The following DPP6 variants were observed in gnomAD, a reference collection of about 807,000 sequenced individuals.
DPP6 encodes the protein A-type potassium channel modulatory protein DPP6.
DPP6 carries 69 observed loss-of-function variants against 122.6 expected under a neutral mutation model. That is an observed-to-expected ratio of 0.56 (90% CI 0.46 to 0.69). The LOEUF (loss-of-function observed/expected upper bound fraction) is 0.69. Ranked by LOEUF, DPP6 falls within the 30% of genes least tolerant of loss-of-function variation. DPP6 has a pLI of 0.00. For missense variants in DPP6, 928 were observed against 1,116.9 expected, an observed-to-expected ratio of 0.83 and a Z score of 2.41; for synonymous variants, 418 against 433.1, an observed-to-expected ratio of 0.97 and a Z score of 0.43.
intron 5 of DPP6, chr7:154,588,055 C>T: frequency 6.2e-7 from 1 of 1,608,386 alleles, no homozygotes; most frequent in South Asian, 1.1e-5. Flanking sequence ...CAGCTACAGG[C>T]AGATTTCGGG....
At chr7:154,217,470 A>G (rs894029777) in intron 1 of DPP6, among the ~76,000 whole-genome samples, 5 of 152,196 alleles carry the variant, frequency 3.3e-5, no homozygotes, top group African/African-American at 1.2e-4. Flanking sequence ...TAGTGTGTAA[A>G]TTGGGCAGTA....
intron 6 of DPP6, among the ~76,000 whole-genome samples, chr7:154,659,204 AC>A (rs1837460587): frequency 6.6e-6 from 1 of 152,282 alleles, no homozygotes; most frequent in Admixed American, 6.5e-5. Context: ...GAGACCCTAA[AC>A]CCAGTTTCCC....
At chr7:154,298,026 C>T (rs1289186884) in intron 1 of DPP6, among the ~76,000 whole-genome samples, 6 of 152,118 alleles carry the variant, frequency 3.9e-5, no homozygotes, top group African/African-American at 1.4e-4. Flanking sequence ...ATTCAGTTAG[C>T]GGACATGGAG....
At chr7:154,296,240 G>A (rs911400942) in intron 1 of DPP6, among the ~76,000 whole-genome samples, 11 of 152,014 alleles carry the variant, frequency 7.2e-5, no homozygotes, top group South Asian at 4.1e-4. Context: ...CACCGCGCCC[G>A]GCTGCCGTTG....
At chr7:154,317,346 T>C (rs1448008753) in intron 1 of DPP6, among the ~76,000 whole-genome samples, 2 of 152,198 alleles carry the variant, frequency 1.3e-5, no homozygotes, top group African/African-American at 4.8e-5. Flanking sequence ...AGCATGACTC[T>C]GTCTCAAAAT....
intron 1 of DPP6, among the ~76,000 whole-genome samples, chr7:153,984,717 T>C (rs1232567369): frequency 7.2e-5 from 11 of 152,286 alleles, no homozygotes; most frequent in Admixed American, 7.2e-4. Context: ...CCCCATGAGG[T>C]TGTCATCATT....
intron 1 of DPP6, among the ~76,000 whole-genome samples, chr7:154,197,703 T>G (rs556795328): frequency 2.0e-5 from 3 of 152,202 alleles, no homozygotes; most frequent in South Asian, 2.1e-4. Flanking sequence ...TATCAATATT[T>G]CCTTGCCAAG....
chr7:154,211,195 C>T (rs991202434), intron 1 of DPP6, among the ~76,000 whole-genome samples: 1 of 152,214 alleles, frequency 6.6e-6, no homozygotes, highest in Non-Finnish European at 1.5e-5. Flanking sequence ...ACAGAACCAG[C>T]ATCAGCATTA....
At chr7:154,592,729 G>A (rs144299698) in intron 5 of DPP6, among the ~76,000 whole-genome samples, 1 of 152,278 alleles carries the variant, frequency 6.6e-6, no homozygotes, top group East Asian at 1.9e-4. Context: ...GAGCAGGCCA[G>A]CGTGGCTACA....
intron 3 of DPP6, among the ~76,000 whole-genome samples, chr7:154,497,842 C>A (rs1050549149): frequency 9.2e-5 from 14 of 151,992 alleles, no homozygotes; most frequent in African/African-American, 3.4e-4. Flanking sequence ...TGCTTTTTTT[C>A]TTTCATCTCA....
chr7:154,552,320 C>T (rs114290299), intron 4 of DPP6, among the ~76,000 whole-genome samples: 4,195 of 152,286 alleles, frequency 0.028, 190 homozygotes, highest in African/African-American at 0.093. Context: ...CACAGAGCTA[C>T]TTTACCTTGC....
At chr7:154,555,377 A>G (rs1056113892) in intron 4 of DPP6, among the ~76,000 whole-genome samples, 7 of 152,092 alleles carry the variant, frequency 4.6e-5, no homozygotes, top group African/African-American at 1.2e-4. Flanking sequence ...CAAAAAACCA[A>G]ACACCACATG....
At chr7:154,343,963 G>T (rs187508870) in intron 1 of DPP6, among the ~76,000 whole-genome samples, 15 of 152,314 alleles carry the variant, frequency 9.8e-5, no homozygotes, top group Admixed American at 2.0e-4. Flanking sequence ...TGATCCGCCA[G>T]CCTCAGCCTC....
At chr7:154,626,790 T>C (rs185177264) in intron 5 of DPP6, among the ~76,000 whole-genome samples, 2 of 152,216 alleles carry the variant, frequency 1.3e-5, no homozygotes, top group Non-Finnish European at 2.9e-5. Context: ...ATCTGACAAC[T>C]GTATGTCTTC....
At chr7:154,804,248 C>G (rs760649444) in intron 14 of DPP6, among the ~76,000 whole-genome samples, 8 of 152,248 alleles carry the variant, frequency 5.3e-5, no homozygotes, top group Non-Finnish European at 1.2e-4. Context: ...TGAGTTTTTA[C>G]TAGTCCAGGC....
intron 1 of DPP6, among the ~76,000 whole-genome samples, chr7:153,927,862 T>A: frequency 6.6e-6 from 1 of 152,150 alleles, no homozygotes; most frequent in East Asian, 1.9e-4. Flanking sequence ...TTGGTGTTCA[T>A]CAGTATCCTT....
At chr7:154,220,359 G>A (rs922875811) in intron 1 of DPP6, among the ~76,000 whole-genome samples, 4 of 152,142 alleles carry the variant, frequency 2.6e-5, no homozygotes, top group Non-Finnish European at 5.9e-5. Context: ...ATAAGTGGGA[G>A]ATAAGTGATG....
chr7:154,159,840 G>A (rs938544753), intron 1 of DPP6, among the ~76,000 whole-genome samples: 1 of 151,882 alleles, frequency 6.6e-6, no homozygotes, highest in African/African-American at 2.4e-5. Flanking sequence ...CAGTCGCAGT[G>A]TCTCACACCT....
rs71182894 is a variant in DPP6 at position 154,320,001 on chromosome 7, AATATATATATATAT to A, written c.244-126196_244-126183del. ...GCAAGACTCTGTCTCAAATATTTCA[AATATATATATATAT>A]ATATATATATATATATGCAACATGA... On this transcript the variant is annotated intron_variant, in intron 1 of 25. Coordinates refer to ENST00000377770, the MANE Select transcript of DPP6 (RefSeq NM_130797.4). Among the ~76,000 whole-genome samples the A allele has an allele frequency of 6.5e-5, 9 of 139,318 alleles. No homozygotes were observed. The South Asian group carries it at 9.0e-4, about 14-fold the overall frequency. 91.4% of individuals were successfully genotyped at this position (139,318 alleles called of 152,430 possible).
Sources: allele counts gnomAD v4.1 joint callset (sites outside exome capture counted in the v4.1 genomes callset), GRCh38; gene constraint gnomAD v4.1.1; transcripts MANE v1.5; gene names NCBI Gene and HGNC (gene_info 2026-07-23, HGNC 2026-07-21).